SLC36A1: variants seen among roughly 807,000 people sequenced by gnomAD.
The protein encoded by SLC36A1 is solute carrier family 36 member 1, also known as proton-coupled amino acid transporter 1.
A neutral mutation model predicts 47.5 loss-of-function variants in SLC36A1; 30 were observed. The observed-to-expected ratio is 0.63, with a 90% CI of 0.47 to 0.86. SLC36A1 has a LOEUF of 0.86. SLC36A1 is among the 40% of genes least tolerant of loss of function. The probability of loss-of-function intolerance (pLI) is 0.00; values close to 1 mark genes in which losing one functional copy is unlikely to be tolerated. For missense variants in SLC36A1, 517 were observed against 606.0 expected (o/e 0.85, Z 1.54); for synonymous variants, 255 against 249.7 (o/e 1.02, Z -0.20).
chr5:151,375,468 C>T, the SLC36A1 span, among the ~76,000 whole-genome samples: 15 of 152,070 alleles, frequency 9.9e-5, no homozygotes, highest in East Asian at 3.9e-4. Flanking sequence ...TATAGCCTTG[C>T]GGTATAATTT....
intron 1 of SLC36A1, among the ~76,000 whole-genome samples, chr5:151,441,141 C>T (rs1752601767): frequency 6.6e-6 from 1 of 152,196 alleles, no homozygotes; most frequent in Non-Finnish European, 1.5e-5. Flanking sequence ...ATGGTTAAAA[C>T]AGAATGCATG....
the SLC36A1 span, among the ~76,000 whole-genome samples, chr5:151,390,924 TTTTTTTC>T: frequency 6.6e-6 from 1 of 152,140 alleles, no homozygotes; most frequent in Non-Finnish European, 1.5e-5. Flanking sequence ...TTTAAAGTCG[TTTTTTTC>T]CAATTCTGTG....
chr5:151,387,441 C>T, the SLC36A1 span, among the ~76,000 whole-genome samples: 525 of 152,270 alleles, frequency 3.4e-3, 3 homozygotes, highest in African/African-American at 0.012. Flanking sequence ...GCAAACATGT[C>T]TTTAGGCACT....
the SLC36A1 span, among the ~76,000 whole-genome samples, chr5:151,374,514 T>C: frequency 6.6e-6 from 1 of 152,390 alleles, no homozygotes; most frequent in Admixed American, 6.5e-5. Context: ...TTTGCTATTG[T>C]GAATAGCACT....
the SLC36A1 span, chr5:151,546,084 A>G: frequency 6.2e-7 from 1 of 1,614,172 alleles, no homozygotes; most frequent in Non-Finnish European, 8.5e-7. Flanking sequence ...TAGCAGAGAC[A>G]AGGAGGATTG....
At chr5:151,497,173 AAC>A (rs1760369195), downstream of SLC36A1, among the ~76,000 whole-genome samples, 1 of 152,186 alleles carries the variant, frequency 6.6e-6, no homozygotes, top group Non-Finnish European at 1.5e-5. Flanking sequence ...GGTGAGAGTG[AAC>A]ATCCTAGTCC....
At chr5:151,531,551 C>G in the SLC36A1 span, 97 of 1,609,484 alleles carry the variant, frequency 6.0e-5, no homozygotes, top group Non-Finnish European at 8.1e-5. This position sits in a 1 kb window ranked among gnomAD's most constrained non-coding sequence, Gnocchi z 5.7. Flanking sequence ...AAACCCTGTA[C>G]GCGATGCTTT....
intron 4 of SLC36A1, 86 bp downstream of exon 4, chr5:151,464,688 C>A: frequency 9.1e-7 from 1 of 1,103,884 alleles, no homozygotes; most frequent in Non-Finnish European, 1.4e-6. Context: ...CTGATGCAGA[C>A]CACTCTCAAT....
At chr5:151,399,089 T>A in the SLC36A1 span, among the ~76,000 whole-genome samples, 352 of 131,174 alleles carry the variant, frequency 2.7e-3, 1 homozygote, top group African/African-American at 9.7e-3. Flanking sequence ...TATATATTTT[T>A]TTTTTTTTTT....
At chr5:151,362,965 T>C in the SLC36A1 span, among the ~76,000 whole-genome samples, 1 of 152,222 alleles carries the variant, frequency 6.6e-6, no homozygotes, top group African/African-American at 2.4e-5. Flanking sequence ...TTTGGGGAAG[T>C]CATGGTTCCC....
chr5:151,428,881 C>T, the SLC36A1 span, among the ~76,000 whole-genome samples: 1 of 152,210 alleles, frequency 6.6e-6, no homozygotes, highest in Non-Finnish European at 1.5e-5. Context: ...GATCCGCCCA[C>T]CTTGGCCTCC....
At chr5:151,511,010 C>T in the SLC36A1 span, 1 of 152,288 alleles carries the variant, frequency 6.6e-6, no homozygotes, top group African/African-American at 2.4e-5. Flanking sequence ...GAGCAGTTCT[C>T]AGCAGAAGAG....
At chr5:151,521,620 T>C in the SLC36A1 span, 2 of 1,614,024 alleles carry the variant, frequency 1.2e-6, no homozygotes, top group African/African-American at 2.7e-5. Flanking sequence ...GATGTCCAGC[T>C]TATGGCTGAG....
At chr5:151,517,494 A>G in the SLC36A1 span, 1 of 1,197,744 alleles carries the variant, frequency 8.3e-7, no homozygotes. Context: ...TCACACCCAG[A>G]ATCCCTGAAA....
the SLC36A1 span, chr5:151,382,125 G>A: frequency 8.3e-4 from 725 of 878,182 alleles, 3 homozygotes; most frequent in Non-Finnish European, 1.0e-3. Context: ...GACAGAGCAC[G>A]ACCCTTTCAA....
chr5:151,534,970 AATATATATATATATAT>A, the SLC36A1 span, among the ~76,000 whole-genome samples: 9 of 106,390 alleles, frequency 8.5e-5, 1 homozygote, highest in Non-Finnish European at 1.9e-4. Flanking sequence ...CTTCTAGGAA[AATATATATATATATAT>A]ATATATATAT....
the SLC36A1 span, among the ~76,000 whole-genome samples, chr5:151,414,534 G>T: frequency 6.6e-6 from 1 of 152,170 alleles, no homozygotes; most frequent in Non-Finnish European, 1.5e-5. Context: ...TGTTTCATCT[G>T]TCGTTGCTCA....
chr5:151,392,036 CT>C, the SLC36A1 span, among the ~76,000 whole-genome samples: 5 of 152,068 alleles, frequency 3.3e-5, no homozygotes, highest in African/African-American at 7.2e-5. Flanking sequence ...TGGTCCTGTA[CT>C]TTTTTTGCTT....
chr5:151,422,321 C>G, the SLC36A1 span: 1 of 152,192 alleles, frequency 6.6e-6, no homozygotes, highest in Non-Finnish European at 1.5e-5. Context: ...AATAAGAAGA[C>G]AAGCGATAAG....
Sources: gnomAD v4.1 joint callset for allele counts (sites outside exome capture counted in the v4.1 genomes callset) on GRCh38, gnomAD v4.1.1 for gene constraint, Gnocchi (gnomAD v3.1) non-coding constraint, MANE v1.5 for transcripts, NCBI Gene and HGNC (gene_info 2026-07-23, HGNC 2026-07-21) for gene names.